Variants in CCDC191 observed in about 807,000 individuals in gnomAD.
CCDC191 encodes the protein coiled-coil domain containing 191, also known as coiled-coil domain-containing protein 191.
A neutral mutation model predicts 114.0 loss-of-function variants in CCDC191; 99 were observed. The observed-to-expected ratio is 0.87, with a 90% CI of 0.74 to 1.03. The LOEUF (loss-of-function observed/expected upper bound fraction) is 1.03, where lower values mean the gene tolerates loss of function less well. Ranked by LOEUF, CCDC191 falls within the 50% of genes least tolerant of loss-of-function variation. The pLI, the probability that CCDC191 is intolerant of heterozygous loss-of-function variation, is 0.00. For synonymous variants in CCDC191, 351 were observed against 376.0 expected, an observed-to-expected ratio of 0.93 and a Z score of 0.77; for missense variants, 973 against 1,087.0, an observed-to-expected ratio of 0.90 and a Z score of 1.47.
chr3:114,003,158 C>T, intron 11 of CCDC191: 6 of 985,378 alleles, frequency 6.1e-6, no homozygotes, highest in Non-Finnish European at 7.2e-6. Flanking sequence ...CTGTTCTTGA[C>T]AGGCTATTAA....
At chr3:114,048,109 T>C (rs1004894828) in intron 2 of CCDC191, among the ~76,000 whole-genome samples, 5 of 152,176 alleles carry the variant, frequency 3.3e-5, no homozygotes, top group Non-Finnish European at 5.9e-5. Flanking sequence ...GGATGAAAAC[T>C]TTGGCGTCCT....
At chr3:114,029,014 G>A (rs1013691119) in intron 7 of CCDC191, among the ~76,000 whole-genome samples, 4 of 151,246 alleles carry the variant, frequency 2.6e-5, no homozygotes, top group South Asian at 2.1e-4. Flanking sequence ...CTGCTGAGGC[G>A]GCCTAGAAAA....
chr3:113,995,049 C>T (rs1030178864), intron 13 of CCDC191, among the ~76,000 whole-genome samples: 3 of 152,172 alleles, frequency 2.0e-5, no homozygotes, highest in Non-Finnish European at 4.4e-5. Context: ...GCTTTTGACT[C>T]CTGCAGCAAA....
At chr3:114,027,517 G>C (rs1366553530) in intron 7 of CCDC191, among the ~76,000 whole-genome samples, 1 of 147,440 alleles carries the variant, frequency 6.8e-6, no homozygotes, top group African/African-American at 2.5e-5. Flanking sequence ...CAGGAAAATT[G>C]CTTGAACCTA....
At chr3:114,006,446 C>G (rs1015081013) in intron 9 of CCDC191, among the ~76,000 whole-genome samples, 1 of 148,626 alleles carries the variant, frequency 6.7e-6, no homozygotes, top group Non-Finnish European at 1.5e-5. Context: ...GAGACCCTGG[C>G]TCAAAAAAAA....
chr3:113,991,837 T>C (rs925461817), intron 13 of CCDC191, among the ~76,000 whole-genome samples: 2 of 152,114 alleles, frequency 1.3e-5, no homozygotes, highest in Non-Finnish European at 2.9e-5. Context: ...AACACCAACA[T>C]ACTAAAATGA....
chr3:114,003,190 A>G (rs2075886434), intron 11 of CCDC191: 1 of 985,290 alleles, frequency 1.0e-6, no homozygotes, highest in South Asian at 4.7e-5. Flanking sequence ...AAAGAAACAA[A>G]TGTGCAAGAT....
chr3:114,006,113 G>T, intron 9 of CCDC191, 151 bp from the exon 10 acceptor site: 1 of 731,762 alleles, frequency 1.4e-6, no homozygotes, highest in South Asian at 1.5e-5. Flanking sequence ...GGCTACCTCA[G>T]AGGCCACCAC....
chr3:114,050,556 AAGGG>A (rs1330886798), intron 2 of CCDC191, among the ~76,000 whole-genome samples: 1 of 152,182 alleles, frequency 6.6e-6, no homozygotes, highest in Non-Finnish European at 1.5e-5. Flanking sequence ...GTTGAGCTAC[AAGGG>A]AAGGATCTGG....
At chr3:113,985,130 C>T (rs1276205415) in intron 13 of CCDC191, among the ~76,000 whole-genome samples, 1 of 152,120 alleles carries the variant, frequency 6.6e-6, no homozygotes, top group Non-Finnish European at 1.5e-5. Flanking sequence ...GGGTGCTTCT[C>T]ATCCCTTTGA....
rs766430501 is a variant in CCDC191, at chr3:114,005,690, C to A, written c.1686G>T (p.Leu562=). Residue 562 remains leucine (L), a synonymous_variant, in exon 10 of 17, where the codon CTG becomes CTT. Coordinates refer to ENST00000295878, the MANE Select transcript of CCDC191 (RefSeq NM_020817.2). ...FHNRHVFQQQ[L]IEKQKKKLQE... is the part of the protein sequence containing the mutation. Reference sequence around the variant, plus strand: ...GAAGTTTCTTCTTTTGCTTCTCAATCAGCTGTTGCTGGAAGACATGGCGGT... The same window carrying A: ...GAAGTTTCTTCTTTTGCTTCTCAATAAGCTGTTGCTGGAAGACATGGCGGT... The A allele has an allele frequency of 6.2e-7, 1 of 1,614,124 alleles. No homozygotes were observed. The highest frequency in any genetic ancestry group is 1.3e-5 in the African/African-American group (1 of 75,042).
At chr3:114,025,753 C>T (rs1414379338) in intron 7 of CCDC191, among the ~76,000 whole-genome samples, 1 of 152,152 alleles carries the variant, frequency 6.6e-6, no homozygotes, top group African/African-American at 2.4e-5. Flanking sequence ...TGCCTTCTTT[C>T]TTCATGTCCC....
chr3:114,055,204 A>G (rs932200222), intron 1 of CCDC191, among the ~76,000 whole-genome samples: 2 of 152,222 alleles, frequency 1.3e-5, no homozygotes, highest in Non-Finnish European at 2.9e-5. Context: ...TTAAAATACA[A>G]CTGAACTTGA....
chr3:114,056,340 A>G (rs769666712), intron 1 of CCDC191, 37 bp downstream of exon 1: 20 of 1,604,068 alleles, frequency 1.2e-5, no homozygotes, highest in Middle Eastern at 1.7e-4. Flanking sequence ...GCGCCTTGGG[A>G]AAGTCCCCGC....
In CCDC191 at chr3:114,010,906, C is replaced by G; in HGVS notation, c.1279G>C (p.Glu427Gln). Residue 427 changes from glutamate (E) to glutamine (Q), a missense_variant, in exon 9 of 17, where the codon GAG becomes CAG. Transcript: ENST00000295878. ...GCATCCATCTTCTTCCTAGTTTCCT[C>G]TTTTGTGAGAGCCAGCTCTCTCTTC... ...LLKRELALTK[E>Q]ETRKKMDALL... The G allele has an allele frequency of 6.2e-7, 1 of 1,614,116 alleles. No homozygotes were observed. Among genetic ancestry groups the G allele is most frequent in the South Asian group, 1.1e-5 (1 of 91,090 alleles).
chr3:114,048,726 T>A (rs1387458570), intron 2 of CCDC191, among the ~76,000 whole-genome samples: 1 of 152,240 alleles, frequency 6.6e-6, no homozygotes, highest in Non-Finnish European at 1.5e-5. Flanking sequence ...TCCTCTGCTC[T>A]GATTGTCTCT....
intron 1 of CCDC191, 75 bp from the exon 2 acceptor site, chr3:114,053,710 G>T: frequency 3.1e-6 from 3 of 956,942 alleles, no homozygotes; most frequent in South Asian, 1.6e-5. Flanking sequence ...CTATCCTTCT[G>T]ACTAAAGCAT....
chr3:113,998,237 C>T (rs1416123072), intron 13 of CCDC191, among the ~76,000 whole-genome samples: 5 of 137,670 alleles, frequency 3.6e-5, no homozygotes, highest in South Asian at 4.7e-4. Flanking sequence ...ACCCGGGAGG[C>T]GGAAGTTGCA....
At chr3:113,997,737 T>C (rs548101664) in intron 13 of CCDC191, among the ~76,000 whole-genome samples, 2 of 152,276 alleles carry the variant, frequency 1.3e-5, no homozygotes, top group South Asian at 2.1e-4. Flanking sequence ...ATATGCTACA[T>C]AATGATGTTT....
Sources: gnomAD v4.1 joint callset for allele counts (sites outside exome capture counted in the v4.1 genomes callset) on GRCh38, gnomAD v4.1.1 for gene constraint, MANE v1.5 for transcripts, NCBI Gene and HGNC (gene_info 2026-07-23, HGNC 2026-07-21) for gene names.